Variants in DCC observed in about 807,000 individuals in gnomAD.
DCC encodes the protein DCC netrin 1 receptor, also known as netrin receptor DCC.
DCC carries 58 observed loss-of-function variants against 172.5 expected under a neutral mutation model. The observed-to-expected ratio is 0.34, with a 90% CI of 0.27 to 0.42. The LOEUF is 0.42. DCC is among the 10% of genes least tolerant of loss of function. DCC has a pLI of 1.00. For synonymous variants in DCC, 709 were observed against 644.5 expected (o/e 1.10, Z -1.52); for missense variants, 1,740 against 1,791.0 (o/e 0.97, Z 0.51).
At chr18:53,087,645 G>T (rs567328988) in intron 7 of DCC, among the ~76,000 whole-genome samples, 71 of 152,224 alleles carry the variant, frequency 4.7e-4, no homozygotes, top group African/African-American at 1.6e-3. Context: ...TGTTGCCATT[G>T]TTTTTGGTGT....
intron 1 of DCC, among the ~76,000 whole-genome samples, chr18:52,500,549 AATAAGT>A (rs2030979129): frequency 6.6e-6 from 1 of 152,166 alleles, no homozygotes; most frequent in South Asian, 2.1e-4. Flanking sequence ...TTTTGGCGCT[AATAAGT>A]ATGTCTTTAT....
chr18:53,246,899 C>G (rs901004446), intron 12 of DCC, among the ~76,000 whole-genome samples: 1 of 151,986 alleles, frequency 6.6e-6, no homozygotes, highest in African/African-American at 2.4e-5. Flanking sequence ...AGCTAGGGCT[C>G]TAAATGCAGT....
At chr18:52,691,605 C>T (rs926048278) in intron 1 of DCC, among the ~76,000 whole-genome samples, 10 of 152,118 alleles carry the variant, frequency 6.6e-5, no homozygotes, top group South Asian at 6.2e-4. Flanking sequence ...TGTGTGTCCT[C>T]TCTTCTTTCA....
intron 12 of DCC, among the ~76,000 whole-genome samples, chr18:53,237,932 G>T (rs948540166): frequency 1.3e-5 from 2 of 152,188 alleles, no homozygotes; most frequent in East Asian, 3.9e-4. Context: ...CCTTAGCACA[G>T]AATCAGATTT....
chr18:52,979,678 T>A (rs552254251), intron 5 of DCC, among the ~76,000 whole-genome samples: 104 of 151,982 alleles, frequency 6.8e-4, no homozygotes, highest in African/African-American at 2.4e-3. Flanking sequence ...CCATGAGGAG[T>A]CTGAGATTGA....
intron 1 of DCC, among the ~76,000 whole-genome samples, chr18:52,718,134 G>A (rs12966053): frequency 0.047 from 7,169 of 152,228 alleles, 180 homozygotes; most frequent in Middle Eastern, 0.12. Context: ...GCTCACTTTG[G>A]TAAGATTTAT....
chr18:53,092,179 G>T (rs1041871570), intron 7 of DCC, among the ~76,000 whole-genome samples: 8 of 152,028 alleles, frequency 5.3e-5, no homozygotes, highest in African/African-American at 1.9e-4. Context: ...AACATCAAAG[G>T]TACCTTAAAT....
rs149177049 is a variant in DCC, at chr18:52,937,310, T to G, written c.985+11940T>G. Among the ~76,000 whole-genome samples, 875 of 152,170 alleles carry G rather than the reference T, an allele frequency of 5.8e-3. 11 individuals carry two copies. The highest frequency in any genetic ancestry group is 0.02 in the African/African-American group (833 of 41,524). ...ATGAGTTTTTCTTCTTCCTATTAGG[T>G]TGGTGCAAAAGTAATTGTGGTTTTT... On this transcript the variant is annotated intron_variant, in intron 5 of 28. Coordinates refer to ENST00000442544, the MANE Select transcript of DCC (RefSeq NM_005215.4).
intron 5 of DCC, among the ~76,000 whole-genome samples, chr18:53,057,433 A>G (rs1267136052): frequency 6.6e-6 from 1 of 152,078 alleles, no homozygotes; most frequent in African/African-American, 2.4e-5. Flanking sequence ...TTTTTTCTAC[A>G]TTTCTATCAC....
intron 5 of DCC, among the ~76,000 whole-genome samples, chr18:53,011,734 T>C (rs1411816008): frequency 1.0e-5 from 1 of 97,096 alleles, no homozygotes; most frequent in Non-Finnish European, 2.1e-5. Flanking sequence ...ATTAAGTTCA[T>C]GGGCCCTACC....
At chr18:53,452,750 T>C (rs1018234154) in intron 23 of DCC, among the ~76,000 whole-genome samples, 2 of 152,244 alleles carry the variant, frequency 1.3e-5, no homozygotes, top group African/African-American at 4.8e-5. Flanking sequence ...TTTTAATAGT[T>C]ACTTGTGTTC....
intron 7 of DCC, among the ~76,000 whole-genome samples, chr18:53,130,494 C>T (rs1357440867): frequency 6.6e-6 from 1 of 151,954 alleles, no homozygotes; most frequent in African/African-American, 2.4e-5. Context: ...TTGTTGTCTC[C>T]AAGTCTAGGG....
At chr18:52,412,644 C>A (rs908957550) in intron 1 of DCC, among the ~76,000 whole-genome samples, 3 of 151,956 alleles carry the variant, frequency 2.0e-5, no homozygotes, top group Admixed American at 2.0e-4. Flanking sequence ...CTAATTGAAC[C>A]AAGGCTTGTG....
intron 28 of DCC, 90 bp downstream of exon 28, chr18:53,526,849 C>CACCCCAGGCA (rs2144618854): frequency 2.4e-6 from 2 of 832,574 alleles, no homozygotes; most frequent in Non-Finnish European, 3.7e-6. Context: ...ACTGTCCATT[C>CACCCCAGGCA]ACCCCAGGCC....
intron 7 of DCC, among the ~76,000 whole-genome samples, chr18:53,131,767 A>C (rs971692909): frequency 6.6e-6 from 1 of 152,092 alleles, no homozygotes; most frequent in Admixed American, 6.6e-5. Context: ...AGTGATACAG[A>C]CAGTAAGTGT....
intron 2 of DCC, among the ~76,000 whole-genome samples, chr18:52,786,316 G>GTAATC (rs2037658782): frequency 6.6e-6 from 1 of 151,926 alleles, no homozygotes; most frequent in Non-Finnish European, 1.5e-5. Flanking sequence ...CAAGCTGCAG[G>GTAATC]AAATCACCAT....
intron 1 of DCC, among the ~76,000 whole-genome samples, chr18:52,621,245 A>G (rs1053594203): frequency 2.0e-5 from 3 of 152,222 alleles, no homozygotes; most frequent in African/African-American, 7.2e-5. Context: ...TTTTTCTCTG[A>G]CAGGAATGTT....
chr18:52,965,581 TG>T (rs1338164506), intron 5 of DCC, among the ~76,000 whole-genome samples: 6 of 152,280 alleles, frequency 3.9e-5, no homozygotes, highest in African/African-American at 1.4e-4. Context: ...ATAATTTTTG[TG>T]TTTTTTTCTT....
At chr18:52,418,201 G>GA (rs1397326745) in intron 1 of DCC, among the ~76,000 whole-genome samples, 1 of 152,050 alleles carries the variant, frequency 6.6e-6, no homozygotes, top group African/African-American at 2.4e-5. Flanking sequence ...CAAGGTTAAG[G>GA]AAAAAGAGAA....
Sources: gnomAD v4.1 joint callset for allele counts (sites outside exome capture counted in the v4.1 genomes callset) on GRCh38, gnomAD v4.1.1 for gene constraint, MANE v1.5 for transcripts, NCBI Gene and HGNC (gene_info 2026-07-23, HGNC 2026-07-21) for gene names.